The following KIAA2012 variants were observed in gnomAD, a reference collection of about 807,000 sequenced individuals.
KIAA2012 encodes uncharacterized protein KIAA2012.
KIAA2012 carries 125 observed loss-of-function variants against 150.6 expected under a neutral mutation model. That is an observed-to-expected ratio of 0.83 (90% confidence interval 0.72 to 0.96). The LOEUF is 0.96. KIAA2012 is among the 40% of genes least tolerant of loss of function. The pLI, the probability that KIAA2012 is intolerant of heterozygous loss-of-function variation, is 0.00. For synonymous variants in KIAA2012, 462 were observed against 504.7 expected (o/e 0.92, Z 1.13); for missense variants, 1,219 against 1,354.9 (o/e 0.90, Z 1.57).
chr2:202,083,676 C>T (rs966801186), intron 2 of KIAA2012, among the ~76,000 whole-genome samples: 1 of 151,174 alleles, frequency 6.6e-6, no homozygotes, highest in Non-Finnish European at 1.5e-5. Flanking sequence ...TAGGAAATGC[C>T]CTGGGCCTAA....
chr2:202,131,788 G>A (rs1690935448), intron 12 of KIAA2012, among the ~76,000 whole-genome samples: 1 of 152,200 alleles, frequency 6.6e-6, no homozygotes, highest in African/African-American at 2.4e-5. Flanking sequence ...GAAGCAACTT[G>A]TAATGACTGC....
At position 202,100,362 on chromosome 2, in the gene KIAA2012, G is replaced by A; in HGVS notation, c.1068G>A (p.Val356=). 6.4e-7 allele frequency: 1 copy of A among 1,550,618 alleles called. No homozygotes were observed. Among genetic ancestry groups the A allele is most frequent in the South Asian group, 1.2e-5 (1 of 84,068 alleles). The change falls in exon 7 of 24, where the codon GTG becomes GTA. Residue 356 remains valine (V), a synonymous_variant. Transcript: ENST00000498697. The stretch of plus-strand genomic sequence containing the variant: ...CCAGAAGCAGCCACTTGTTACAGGT[G>A]CTTCCTGCTGAAAGAAGCCTCTTCC... The part of the protein sequence containing the change: ...HKARSSHLLQ[V]LPAERSLFPP...
At chr2:202,185,344 G>T (rs1055873107) in intron 16 of KIAA2012, among the ~76,000 whole-genome samples, 4 of 152,142 alleles carry the variant, frequency 2.6e-5, no homozygotes, top group Non-Finnish European at 5.9e-5. Flanking sequence ...AAGCTACTTT[G>T]GTAGTGGCAG....
At chr2:202,189,990 C>T (rs868230430) in intron 18 of KIAA2012, among the ~76,000 whole-genome samples, 184 bp from the exon 19 acceptor site, 10 of 151,520 alleles carry the variant, frequency 6.6e-5, no homozygotes, top group Admixed American at 2.0e-4. Flanking sequence ...CTCAGGAAGC[C>T]GAGGTGGGAG....
At position 202,090,264 on chromosome 2, in the gene KIAA2012, G is replaced by C. The variant is rs889407150; in HGVS notation, c.370-506G>C. On this transcript the variant is annotated intron_variant, in intron 2 of 23. Transcript: ENST00000498697. ...ACAGTGGCACTGACTTTGGCAGATAGGTTCCCAGAAAATTCTCCCCAGCTT... is the reference window on the plus strand; with the variant it reads ...ACAGTGGCACTGACTTTGGCAGATACGTTCCCAGAAAATTCTCCCCAGCTT... Among the ~76,000 whole-genome samples the C allele has an allele frequency of 7.9e-5, 12 of 152,214 alleles. No homozygotes were observed. In the South Asian group the frequency reaches 1.0e-3, roughly 13 times the overall value.
intron 1 of KIAA2012, among the ~76,000 whole-genome samples, chr2:202,074,132 T>A (rs1030490080): frequency 6.6e-6 from 1 of 152,022 alleles, no homozygotes; most frequent in Non-Finnish European, 1.5e-5. Context: ...CCCACAGGAC[T>A]CATATTTAAT....
intron 2 of KIAA2012, among the ~76,000 whole-genome samples, chr2:202,085,176 T>C (rs1395472219): frequency 2.0e-5 from 3 of 152,126 alleles, no homozygotes; most frequent in Non-Finnish European, 4.4e-5. Context: ...TTTGAGAAGT[T>C]ATTAAAAGAA....
At chr2:202,176,739 T>C (rs1285703967) in intron 15 of KIAA2012, among the ~76,000 whole-genome samples, 1 of 151,618 alleles carries the variant, frequency 6.6e-6, no homozygotes, top group African/African-American at 2.4e-5. Flanking sequence ...TAAATGGCCA[T>C]AGAGAAAAAA....
At position 202,165,306 on chromosome 2, in the gene KIAA2012, A is replaced by G; in HGVS notation, c.2069A>G (p.Tyr690Cys). 1 of 1,550,444 alleles carries G rather than the reference A, an allele frequency of 6.4e-7. No homozygotes were observed. Among genetic ancestry groups the G allele is most frequent in the Non-Finnish European group, 8.7e-7 (1 of 1,146,844 alleles). The part of the protein sequence containing the change: ...FLKESGNALD[Y>C]QEEAGRPLRE... ...TAGGAAAGTGGAAATGCACTGGACT[A>G]TCAGGAAGAAGCAGGGAGACCCCTC... The change falls in exon 15 of 24, where the codon TAT becomes TGT. Residue 690 changes from tyrosine (Y) to cysteine (C), a missense_variant. By Grantham distance (194) the Tyr-to-Cys change is radical. Transcript: ENST00000498697.
intron 22 of KIAA2012, chr2:202,201,480 G>T: frequency 6.3e-7 from 1 of 1,599,382 alleles, no homozygotes; most frequent in Non-Finnish European, 8.6e-7. Context: ...AAGCTGAGCA[G>T]CACTGGGAGG....
At chr2:202,080,513 G>A (rs1333252012) in intron 2 of KIAA2012, among the ~76,000 whole-genome samples, 1 of 152,018 alleles carries the variant, frequency 6.6e-6, no homozygotes, top group African/African-American at 2.4e-5. Context: ...GACCAACATG[G>A]AGAAACCCCG....
rs1324220944 is a variant in KIAA2012 at position 202,073,666 on chromosome 2, G to C, written c.39G>C (p.Lys13Asn). Residue 13 changes from lysine (K) to asparagine (N), a missense_variant, in exon 1 of 24, where the codon AAG becomes AAC. Physicochemically the swap from Lys to Asn is moderately conservative, Grantham distance 94 (BLOSUM62 0). Transcript: ENST00000498697. Reference sequence around the variant, plus strand: ...CCCTCCTGAGCCGGGGCCACGGGAAGCTGGGCCAGGACAAACAGAAGTTAG... The same window carrying C: ...CCCTCCTGAGCCGGGGCCACGGGAACCTGGGCCAGGACAAACAGAAGTTAG... ...TLSLLSRGHG[K>N]LGQDKQKLEV... The C allele has an allele frequency of 5.2e-6, 8 of 1,550,360 alleles. No homozygotes were observed. The highest frequency in any genetic ancestry group is 7.0e-6 in the Non-Finnish European group (8 of 1,146,962).
chr2:202,112,656 G>A (rs1690400512), intron 10 of KIAA2012, among the ~76,000 whole-genome samples: 1 of 152,214 alleles, frequency 6.6e-6, no homozygotes, highest in Admixed American at 6.5e-5. Context: ...TTAAATTATA[G>A]GACAACCAGT....
intron 9 of KIAA2012, among the ~76,000 whole-genome samples, chr2:202,107,242 AAT>A (rs142225988): frequency 9.6e-5 from 3 of 31,184 alleles, no homozygotes; most frequent in East Asian, 7.0e-4. Context: ...CCAAAAAAAA[AAT>A]AAAAAAAGAA....
At chr2:202,160,187 T>G (rs1691619445) in intron 14 of KIAA2012, among the ~76,000 whole-genome samples, 2 of 152,200 alleles carry the variant, frequency 1.3e-5, no homozygotes, top group Non-Finnish European at 2.9e-5. Context: ...TCTGTTCTGT[T>G]CCTGTGTACC....
Position 202,188,238 on chromosome 2 carries a change from G to T in KIAA2012, c.2463G>T (p.Lys821Asn). 6.5e-7 allele frequency: 1 copy of T among 1,550,122 alleles called. No homozygotes were observed. Among genetic ancestry groups the T allele is most frequent in the Non-Finnish European group, 8.7e-7 (1 of 1,146,716 alleles). The change falls in exon 18 of 24, where the codon AAG (lysine) becomes AAT (asparagine). Residue 821 changes from lysine to asparagine, a missense_variant. By Grantham distance (94) the Lys-to-Asn change is moderately conservative. Transcript: ENST00000498697. ...GACCCAAAAGCGAGAGAGAAGGAAA[G>T]GTCTACGGGCAAGCAGAGGCTGCCA... Reference protein sequence around the residue: ...TKGPKSEREGKVYGQAEAAIG... With the variant: ...TKGPKSEREGNVYGQAEAAIG...
At chr2:202,101,217 G>T (rs1690035542) in intron 7 of KIAA2012, among the ~76,000 whole-genome samples, 1 of 152,240 alleles carries the variant, frequency 6.6e-6, no homozygotes, top group Non-Finnish European at 1.5e-5. Flanking sequence ...TTGATTAATT[G>T]CAGGGATTCA....
intron 14 of KIAA2012, among the ~76,000 whole-genome samples, chr2:202,155,398 A>G (rs1172623931): frequency 1.3e-5 from 2 of 152,184 alleles, no homozygotes; most frequent in African/African-American, 2.4e-5. Context: ...TGCCCGACAC[A>G]TGGAAGGTGC....
At chr2:202,095,741 T>C (rs1382046201) in intron 4 of KIAA2012, among the ~76,000 whole-genome samples, 1 of 152,192 alleles carries the variant, frequency 6.6e-6, no homozygotes, top group Non-Finnish European at 1.5e-5. Context: ...ATTGTCTCTG[T>C]ATCCCCCTAC....
Sources: gnomAD v4.1 joint callset for allele counts (sites outside exome capture counted in the v4.1 genomes callset) on GRCh38, gnomAD v4.1.1 for gene constraint, MANE v1.5 for transcripts, NCBI Gene and HGNC (gene_info 2026-07-23, HGNC 2026-07-21) for gene names.